The following SLC1A1 variants were observed in gnomAD, a reference collection of about 807,000 sequenced individuals.
The protein encoded by SLC1A1 is excitatory amino acid transporter 3.
SLC1A1 carries 43 observed loss-of-function variants against 53.3 expected under a neutral mutation model. The observed-to-expected ratio is 0.81, with a 90% CI of 0.63 to 1.04. The LOEUF (loss-of-function observed/expected upper bound fraction) is 1.04, where lower values mean the gene tolerates loss of function less well. Among genes scored for constraint, SLC1A1 ranks in the 50% least tolerant of loss-of-function variants. SLC1A1 has a pLI of 0.00. For missense variants in SLC1A1, 748 were observed against 664.9 expected (o/e 1.12, Z -1.37); for synonymous variants, 307 against 243.2 (o/e 1.26, Z -2.44).
At chr9:4,512,469 C>T (rs1438043705) in intron 1 of SLC1A1, among the ~76,000 whole-genome samples, 2 of 152,086 alleles carry the variant, frequency 1.3e-5, no homozygotes, top group Non-Finnish European at 2.9e-5. Context: ...GATCACGCCA[C>T]TGCACTCAAG....
At position 4,572,317 on chromosome 9, in the gene SLC1A1, G is replaced by A. The variant is rs755209040; in HGVS notation, c.696G>A (p.Lys232=). ...FGLVIGKMGE[K]GQILVDFFNA... ...TTGTCATTGGAAAAATGGGAGAAAAGGGACAAATTCTGGTGGATTTCTTCA... is the reference window on the plus strand; with the variant it reads ...TTGTCATTGGAAAAATGGGAGAAAAAGGACAAATTCTGGTGGATTTCTTCA... The change falls in exon 7 of 12, where the codon AAG becomes AAA. Residue 232 remains lysine, a synonymous_variant. Coordinates refer to ENST00000262352, the MANE Select transcript of SLC1A1 (RefSeq NM_004170.6). 3 of 1,614,004 alleles carry A rather than the reference G, an allele frequency of 1.9e-6. No individual in the cohort carries two copies. The highest frequency in any genetic ancestry group is 1.7e-5 in the Admixed American group (1 of 59,992).
intron 1 of SLC1A1, among the ~76,000 whole-genome samples, chr9:4,533,972 C>G (rs370369221): frequency 6.6e-6 from 1 of 152,032 alleles, no homozygotes. Context: ...GGGTACATAA[C>G]GAAATGAAGG....
At chr9:4,572,858 G>C (rs1218024207) in intron 7 of SLC1A1, among the ~76,000 whole-genome samples, 2 of 152,070 alleles carry the variant, frequency 1.3e-5, no homozygotes. Context: ...CACCACTAGA[G>C]TATTAAATAA....
chr9:4,526,131 AAAC>A (rs1564007980), intron 1 of SLC1A1, among the ~76,000 whole-genome samples: 2 of 152,196 alleles, frequency 1.3e-5, no homozygotes, highest in African/African-American at 4.8e-5. Flanking sequence ...CAACAAAACA[AAAC>A]AACAACAAAA....
intron 8 of SLC1A1, 89 bp downstream of exon 8, chr9:4,574,103 G>C: frequency 3.4e-6 from 3 of 874,482 alleles, no homozygotes; most frequent in Non-Finnish European, 5.8e-6. Flanking sequence ...GTTAAAACTG[G>C]CTTCTGCCCT....
intron 2 of SLC1A1, among the ~76,000 whole-genome samples, chr9:4,545,584 A>T (rs1564023828): frequency 6.6e-6 from 1 of 152,102 alleles, no homozygotes; most frequent in African/African-American, 2.4e-5. Context: ...CTCCTTACCC[A>T]CTTTCTACTC....
chr9:4,502,893 G>A (rs1049709292), intron 1 of SLC1A1, among the ~76,000 whole-genome samples: 4 of 151,406 alleles, frequency 2.6e-5, no homozygotes, highest in Admixed American at 6.6e-5. Flanking sequence ...AGTCCTTTCC[G>A]CTACGCTTCT....
chr9:4,574,408 A>G (rs1189663004), intron 8 of SLC1A1, among the ~76,000 whole-genome samples: 1 of 152,204 alleles, frequency 6.6e-6, no homozygotes, highest in Non-Finnish European at 1.5e-5. Flanking sequence ...AGAAATTAGC[A>G]AGGGCCTAAA....
chr9:4,529,116 C>G (rs891472985), intron 1 of SLC1A1, among the ~76,000 whole-genome samples: 2 of 152,080 alleles, frequency 1.3e-5, no homozygotes, highest in African/African-American at 4.8e-5. Flanking sequence ...TCTTTAACAC[C>G]GCTCACCTTG....
At chr9:4,559,946 C>T (rs573617966) in intron 2 of SLC1A1, 5 of 152,182 alleles carry the variant, frequency 3.3e-5, no homozygotes, top group South Asian at 2.1e-4. Context: ...AGGTTTCTGG[C>T]AAGGCGGGAT....
chr9:4,495,572 A>C (rs1275953954), intron 1 of SLC1A1, among the ~76,000 whole-genome samples: 1 of 152,142 alleles, frequency 6.6e-6, no homozygotes, highest in Non-Finnish European at 1.5e-5. Flanking sequence ...CAGTTGAATC[A>C]AGACGGAGGA....
intron 1 of SLC1A1, among the ~76,000 whole-genome samples, chr9:4,540,513 A>C (rs930769529): frequency 6.6e-6 from 1 of 152,150 alleles, no homozygotes; most frequent in African/African-American, 2.4e-5. Context: ...AGCGCTGACT[A>C]AAACACATGC....
intron 1 of SLC1A1, among the ~76,000 whole-genome samples, chr9:4,499,877 G>T (rs908872364): frequency 2.4e-4 from 37 of 152,244 alleles, no homozygotes; most frequent in African/African-American, 8.7e-4. Flanking sequence ...AACACGCTGT[G>T]TAGAAAATTT....
chr9:4,583,883 C>CACACAA lies in SLC1A1; in HGVS notation c.1328+716_1328+717insAACACA, dbSNP rs1554691063. 1.7e-5 allele frequency among the ~76,000 whole-genome samples: 1 copy of CACACAA among 60,300 alleles called. No homozygotes were observed. The highest frequency in any genetic ancestry group is 3.1e-5 in the Non-Finnish European group (1 of 32,382). The allele number at this position is 60,300 out of a possible 152,430, so 39.6% of individuals were successfully genotyped here. ...TCTCTCTCTCTCTCTCTCTCTCTCT[C>CACACAA]ACACACACACACACACACACACACA... On this transcript the variant is annotated intron_variant, in intron 11 of 11. Transcript: ENST00000262352. This position sits in a 1 kb window ranked among gnomAD's most constrained non-coding sequence, Gnocchi z 4.6.
intron 1 of SLC1A1, among the ~76,000 whole-genome samples, chr9:4,503,802 C>T (rs928543063): frequency 6.6e-6 from 1 of 151,866 alleles, no homozygotes; most frequent in Non-Finnish European, 1.5e-5. Context: ...ACTTACTTCA[C>T]AGGAGGTGCC....
chr9:4,521,175 G>A (rs182938248), intron 1 of SLC1A1, among the ~76,000 whole-genome samples: 47 of 152,266 alleles, frequency 3.1e-4, no homozygotes, highest in Non-Finnish European at 4.9e-4. Flanking sequence ...ACCCTTACCA[G>A]ATACATAATT....
At chr9:4,501,682 T>G (rs1015224593) in intron 1 of SLC1A1, among the ~76,000 whole-genome samples, 2 of 151,650 alleles carry the variant, frequency 1.3e-5, no homozygotes, top group African/African-American at 2.4e-5. Flanking sequence ...GAGAATTGCT[T>G]GAACCCTGGA....
At chr9:4,563,990 C>A (rs978486732) in intron 3 of SLC1A1, among the ~76,000 whole-genome samples, 1 of 152,202 alleles carries the variant, frequency 6.6e-6, no homozygotes, top group African/African-American at 2.4e-5. Flanking sequence ...CTTACCCTAA[C>A]ACCTTCCTAG....
At chr9:4,537,874 A>G (rs559911381) in intron 1 of SLC1A1, among the ~76,000 whole-genome samples, 4 of 152,296 alleles carry the variant, frequency 2.6e-5, no homozygotes, top group Admixed American at 1.3e-4. Context: ...TGTATGTTAA[A>G]AACCATGGAA....
Sources: allele counts gnomAD v4.1 joint callset (sites outside exome capture counted in the v4.1 genomes callset), GRCh38; gene constraint gnomAD v4.1.1; non-coding constraint Gnocchi (gnomAD v3.1); transcripts MANE v1.5; gene names NCBI Gene and HGNC (gene_info 2026-07-23, HGNC 2026-07-21).